The following SYNE2 variants were observed in gnomAD, a reference collection of about 807,000 sequenced individuals.
SYNE2 encodes spectrin repeat containing nuclear envelope protein 2, also known as nesprin-2.
A neutral mutation model predicts 856.3 loss-of-function variants in SYNE2; 431 were observed. The ratio of observed to expected loss-of-function variants is 0.50; its 90% CI spans 0.47 to 0.55. The LOEUF (loss-of-function observed/expected upper bound fraction) is 0.55, where lower values mean the gene tolerates loss of function less well. Among genes scored for constraint, SYNE2 ranks in the 20% least tolerant of loss-of-function variants. The probability of loss-of-function intolerance (pLI) is 0.00; values close to 1 mark genes in which losing one functional copy is unlikely to be tolerated. For missense variants in SYNE2, 8,129 were observed against 8,023.2 expected, an observed-to-expected ratio of 1.01 and a Z score of -0.50; for synonymous variants, 2,923 against 2,872.3, an observed-to-expected ratio of 1.02 and a Z score of -0.56.
At chr14:64,047,657 C>T (rs1010649406) in intron 45 of SYNE2, among the ~76,000 whole-genome samples, 1 of 152,196 alleles carries the variant, frequency 6.6e-6, no homozygotes, top group Admixed American at 6.5e-5. Flanking sequence ...ACAATAAATG[C>T]CTATTATTTG....
At chr14:64,131,606 C>T (rs1017254569) in intron 76 of SYNE2, among the ~76,000 whole-genome samples, 3 of 152,038 alleles carry the variant, frequency 2.0e-5, no homozygotes, top group Admixed American at 6.6e-5. Flanking sequence ...TTAAGAGACA[C>T]GGTCTCACTC....
At chr14:63,885,746 A>G (rs2094968770) in intron 1 of SYNE2, among the ~76,000 whole-genome samples, 1 of 152,086 alleles carries the variant, frequency 6.6e-6, no homozygotes. Flanking sequence ...TTTATTTTGA[A>G]TATGTTCAAG....
chr14:64,138,645 G>T (rs566242853), intron 79 of SYNE2, among the ~76,000 whole-genome samples: 1 of 152,190 alleles, frequency 6.6e-6, no homozygotes, highest in East Asian at 1.9e-4. Context: ...AAAATTAAAT[G>T]ATTTTAGCTA....
chr14:63,855,661 C>T (rs1891531087), intron 1 of SYNE2, among the ~76,000 whole-genome samples: 2 of 152,208 alleles, frequency 1.3e-5, no homozygotes, highest in Non-Finnish European at 1.5e-5. Context: ...CAGCCATCCT[C>T]GCGACTCCCA....
chr14:63,981,306 G>GA (rs1566965650), intron 16 of SYNE2, 133 bp downstream of exon 16: 3 of 796,362 alleles, frequency 3.8e-6, no homozygotes, highest in Non-Finnish European at 6.2e-6. Context: ...CAAGGTCTTG[G>GA]AAAGAATTTA....
chr14:63,866,996 C>G (rs1895527192), intron 1 of SYNE2, among the ~76,000 whole-genome samples: 1 of 152,164 alleles, frequency 6.6e-6, no homozygotes, highest in Admixed American at 6.5e-5. Context: ...ATTTAGTACT[C>G]AATTGGTGCC....
exon 1 of SYNE2, chr14:63,761,984 G>T: frequency 2.5e-6 from 1 of 396,550 alleles, no homozygotes; most frequent in Non-Finnish European, 5.3e-6. Flanking sequence ...GACAGCGTGA[G>T]AGGTAATAGG....
chr14:63,806,056 C>T (rs1888349975), intron 1 of SYNE2, among the ~76,000 whole-genome samples: 2 of 152,102 alleles, frequency 1.3e-5, no homozygotes, highest in Admixed American at 1.3e-4. Flanking sequence ...TTTGCTTGTT[C>T]CAGTTCTCAA....
At chr14:64,221,059 C>T (rs886166536) in intron 111 of SYNE2, among the ~76,000 whole-genome samples, 2 of 152,084 alleles carry the variant, frequency 1.3e-5, no homozygotes, top group Non-Finnish European at 2.9e-5. Context: ...GGAATCATTC[C>T]CATTTTCTTT....
chr14:64,014,425 TTTTG>T (rs991757283), intron 32 of SYNE2, among the ~76,000 whole-genome samples: 5 of 152,266 alleles, frequency 3.3e-5, no homozygotes, highest in South Asian at 2.1e-4. Context: ...CATGGGTTTT[TTTTG>T]TTTGTTTGTT....
At chr14:63,853,573 A>G (rs1890946123) in intron 1 of SYNE2, among the ~76,000 whole-genome samples, 1 of 151,464 alleles carries the variant, frequency 6.6e-6, no homozygotes, top group Non-Finnish European at 1.5e-5. Context: ...TCCTCGCGTC[A>G]CGCCTGGGCG....
rs201740276 is a variant in SYNE2 at position 64,078,581 on chromosome 14, T to G, written c.11138T>G (p.Ile3713Ser). 6.8e-6 allele frequency: 11 copies of G among 1,614,094 alleles called. No homozygotes were observed. The highest frequency in any genetic ancestry group is 1.7e-6 in the Non-Finnish European group (2 of 1,179,982). The part of the protein sequence containing the change: ...EKMLQQKSKN[I>S]EKAQEIQKKM... Reference sequence around the variant, plus strand: ...ATGTTGCAGCAGAAAAGCAAAAATATTGAGAAAGCTCAAGAAATTCAAAAG... The same window carrying G: ...ATGTTGCAGCAGAAAAGCAAAAATAGTGAGAAAGCTCAAGAAATTCAAAAG... Residue 3713 changes from isoleucine to serine, a missense_variant, in exon 55 of 116, where the codon ATT becomes AGT. Ile to Ser is a moderately radical substitution (Grantham distance 142). Coordinates refer to ENST00000555002, the MANE Select transcript of SYNE2 (RefSeq NM_182914.3).
intron 113 of SYNE2, among the ~76,000 whole-genome samples, chr14:64,224,181 C>CAAA (rs35804232): frequency 1.8e-3 from 136 of 74,724 alleles, no homozygotes; most frequent in South Asian, 3.0e-3. Context: ...CCCGTCTCTG[C>CAAA]AAAAAAAAAA....
chr14:64,089,129 G>T (rs951195043), intron 58 of SYNE2, among the ~76,000 whole-genome samples: 1 of 152,078 alleles, frequency 6.6e-6, no homozygotes, highest in African/African-American at 2.4e-5. Flanking sequence ...ACTTTGGGAG[G>T]CCGAGGCGGG....
At position 63,892,268 on chromosome 14, in the gene SYNE2, C is replaced by T. The variant is rs78545797; in HGVS notation, c.-51-16830C>T. Among the ~76,000 whole-genome samples the T allele has an allele frequency of 1.1e-3, 160 of 152,168 alleles. 2 individuals are homozygous for T. The South Asian group carries it at 0.015, about 14-fold the overall frequency. On this transcript the variant is annotated intron_variant, in intron 1 of 115. Transcript: ENST00000555002. ...CCTGCATGATTTTCCCCGAGCATTT[C>T]TTATCTTCTCAGAATTTTGCCAGCT...
intron 35 of SYNE2, 85 bp downstream of exon 35, chr14:64,020,178 G>C: frequency 2.8e-5 from 25 of 905,588 alleles, no homozygotes; most frequent in Middle Eastern, 6.8e-4. Context: ...GGGCGACAGA[G>C]CAAAACCCTG....
intron 93 of SYNE2, 84 bp from the exon 94 acceptor site, chr14:64,170,144 T>G (rs1446056003): frequency 1.3e-5 from 17 of 1,304,952 alleles, no homozygotes; most frequent in Non-Finnish European, 1.8e-5. Context: ...TTATAAAAAC[T>G]GAATCTGAGC....
At chr14:63,866,936 A>G (rs1357118589) in intron 1 of SYNE2, among the ~76,000 whole-genome samples, 2 of 152,232 alleles carry the variant, frequency 1.3e-5, no homozygotes, top group African/African-American at 4.8e-5. Context: ...AGCCTTGGCA[A>G]TAGAGCGAGA....
At chr14:64,190,547 G>T in intron 99 of SYNE2, 1 of 692,794 alleles carries the variant, frequency 1.4e-6, no homozygotes. Context: ...TTCTGCCTCT[G>T]TGTTAGCATT....
Sources: gnomAD v4.1 joint callset for allele counts (sites outside exome capture counted in the v4.1 genomes callset) on GRCh38, gnomAD v4.1.1 for gene constraint, MANE v1.5 for transcripts, NCBI Gene and HGNC (gene_info 2026-07-23, HGNC 2026-07-21) for gene names.